Variants in PDK1 observed in about 807,000 individuals in gnomAD.
PDK1 encodes the protein [Pyruvate dehydrogenase (acetyl-transferring)] kinase isozyme 1, mitochondrial.
A neutral mutation model predicts 54.2 loss-of-function variants in PDK1; 39 were observed. That is an observed-to-expected ratio of 0.72 (90% CI 0.56 to 0.94). PDK1 has a LOEUF of 0.94. Among genes scored for constraint, PDK1 ranks in the 40% least tolerant of loss-of-function variants. PDK1 has a pLI of 0.00. For synonymous variants in PDK1, 221 were observed against 207.1 expected (o/e 1.07, Z -0.58); for missense variants, 552 against 566.0 (o/e 0.98, Z 0.25).
chr2:172,626,012 A>AGAAATCTTTC, the PDK1 span, among the ~76,000 whole-genome samples: 1 of 152,236 alleles, frequency 6.6e-6, no homozygotes. Context: ...AACATTTCCT[A>AGAAATCTTTC]GAAATCTTTC....
chr2:172,694,429 T>C, the PDK1 span, among the ~76,000 whole-genome samples: 56 of 152,330 alleles, frequency 3.7e-4, no homozygotes, highest in African/African-American at 1.2e-3. Flanking sequence ...ATCGTTTCAT[T>C]ATAACATTGA....
At chr2:172,582,449 T>C (rs1689964825) in intron 8 of PDK1, among the ~76,000 whole-genome samples, 1 of 152,208 alleles carries the variant, frequency 6.6e-6, no homozygotes, top group African/African-American at 2.4e-5. Context: ...AAGTTAGGGA[T>C]GGCAGCTCTT....
Position 172,604,088 on chromosome 2 carries a change from C to G in PDK1, c.*8119C>G, listed in dbSNP as rs13032304. 26,681 of 151,954 alleles carry G rather than the reference C, an allele frequency of 0.18. 2,788 individuals are homozygous for G. Among genetic ancestry groups the G allele is most frequent in the African/African-American group, 0.28 (11,585 of 41,430 alleles). The allele number at this position is 151,954 out of a possible 1,614,324, so 9.4% of individuals were successfully genotyped here. A position where few individuals can be genotyped will look rare whatever the true frequency, so the allele number is the denominator to read the frequency against. ...TGAACATGGCGTATATCTTTTTTGG[C>G]GGGGGGTGAGGACAGAGTCTTGCTC... On this transcript the variant is annotated 3_prime_UTR_variant, in exon 11 of 11. Coordinates refer to ENST00000282077, the MANE Select transcript of PDK1 (RefSeq NM_002610.5).
the PDK1 span, among the ~76,000 whole-genome samples, chr2:172,662,410 C>A: frequency 6.6e-6 from 1 of 151,226 alleles, no homozygotes; most frequent in Non-Finnish European, 1.5e-5. Context: ...ATTTCTCCAC[C>A]AAGAGATAAC....
chr2:172,677,156 A>T, the PDK1 span: 1 of 152,222 alleles, frequency 6.6e-6, no homozygotes, highest in East Asian at 1.9e-4. Context: ...TGCAGTATTC[A>T]TTTTATTGAA....
chr2:172,605,678 C>G lies in PDK1; in HGVS notation c.*9709C>G, dbSNP rs913466008. On this transcript the variant is annotated 3_prime_UTR_variant, in exon 11 of 11. Transcript: ENST00000282077. Reference sequence around the variant, plus strand: ...GCATGAACCACCGTGCTCAGCCTCTCTGTAAATCTTGAGTCGGCACTGAGC... The same window carrying G: ...GCATGAACCACCGTGCTCAGCCTCTGTGTAAATCTTGAGTCGGCACTGAGC... 1 of 152,166 alleles carries G rather than the reference C, an allele frequency of 6.6e-6. No individual in the cohort carries two copies. Among genetic ancestry groups the G allele is most frequent in the Admixed American group, 6.6e-5 (1 of 15,264 alleles). The allele number at this position is 152,166 out of a possible 1,614,324, so 9.4% of individuals were successfully genotyped here.
intron 8 of PDK1, among the ~76,000 whole-genome samples, chr2:172,581,262 T>G (rs1466530532): frequency 6.6e-6 from 1 of 152,072 alleles, no homozygotes; most frequent in Non-Finnish European, 1.5e-5. Flanking sequence ...GGCTAATTCT[T>G]GTATTTTTAG....
chr2:172,719,587 CTTTATTTCCAGTTTCCAATATATG>C, the PDK1 span, among the ~76,000 whole-genome samples: 19 of 151,942 alleles, frequency 1.3e-4, no homozygotes, highest in African/African-American at 3.6e-4. Flanking sequence ...TCCCATCTTG[CTTTATTTCCAGTTTCCAATATATG>C]TTTATTTCCA....
At chr2:172,653,644 A>C in the PDK1 span, among the ~76,000 whole-genome samples, 2 of 152,176 alleles carry the variant, frequency 1.3e-5, no homozygotes, top group Non-Finnish European at 1.5e-5. Context: ...TAAAGACTTA[A>C]ATGTTAGACC....
intron 7 of PDK1, 36 bp from the exon 8 acceptor site, chr2:172,570,690 A>G (rs1689199176): frequency 8.1e-7 from 1 of 1,227,954 alleles, no homozygotes; most frequent in South Asian, 1.3e-5. Context: ...CTTTTCTAAA[A>G]AGCTGTATTT....
the PDK1 span, among the ~76,000 whole-genome samples, chr2:172,618,129 A>T: frequency 6.6e-6 from 1 of 152,214 alleles, no homozygotes; most frequent in Non-Finnish European, 1.5e-5. Context: ...CCAAGTCTGC[A>T]TATAAAATAA....
the PDK1 span, among the ~76,000 whole-genome samples, chr2:172,703,998 T>C: frequency 6.6e-6 from 1 of 152,082 alleles, no homozygotes; most frequent in South Asian, 2.1e-4. Flanking sequence ...GGTCTCGAAC[T>C]CCTGACCTCA....
the PDK1 span, among the ~76,000 whole-genome samples, chr2:172,697,939 C>A: frequency 1.3e-5 from 2 of 152,146 alleles, no homozygotes. Flanking sequence ...TTTACCATGG[C>A]AACTGTCAGA....
At chr2:172,656,059 T>G in the PDK1 span, among the ~76,000 whole-genome samples, 7 of 152,238 alleles carry the variant, frequency 4.6e-5, no homozygotes, top group African/African-American at 1.7e-4. Context: ...CTTATTTGTA[T>G]ATGAAGCTTT....
At position 172,606,195 on chromosome 2, in the gene PDK1, C is replaced by T. The variant is rs1360526861; in HGVS notation, c.*10226C>T. On this transcript the variant is annotated 3_prime_UTR_variant, in exon 11 of 11. Transcript: ENST00000282077. ...TTAACAACAAATGACTGTCCTAATT[C>T]TGGAGACCTGGGAAGTATTGATGAG... is the stretch of plus-strand genomic sequence containing the variant. 6.6e-6 allele frequency: 1 copy of T among 152,148 alleles called. No individual in the cohort carries two copies. Among genetic ancestry groups the T allele is most frequent in the Admixed American group, 6.5e-5 (1 of 15,278 alleles). 9.4% of individuals were successfully genotyped at this position (152,148 alleles called of 1,614,324 possible).
rs1162294862 is a variant in PDK1, at chr2:172,603,544, AT to A, written c.*7576del. ...TGAGTGGTTAATGAGAGCTTCACTAATGTTGTCTGCTGCAGGCAATAAGTGA... is the reference window on the plus strand; with the variant it reads ...TGAGTGGTTAATGAGAGCTTCACTAAGTTGTCTGCTGCAGGCAATAAGTGA... On this transcript the variant is annotated 3_prime_UTR_variant, in exon 11 of 11. Coordinates refer to ENST00000282077, the MANE Select transcript of PDK1 (RefSeq NM_002610.5). 2.6e-5 allele frequency: 4 copies of A among 152,296 alleles called. No individual in the cohort carries two copies. Among genetic ancestry groups the A allele is most frequent in the Non-Finnish European group, 5.9e-5 (4 of 68,032 alleles). 9.4% of individuals were successfully genotyped at this position (152,296 alleles called of 1,614,324 possible). A position where few individuals can be genotyped will look rare whatever the true frequency, so the allele number is the denominator to read the frequency against.
chr2:172,722,325 G>C, the PDK1 span, among the ~76,000 whole-genome samples: 1 of 152,212 alleles, frequency 6.6e-6, no homozygotes, highest in Admixed American at 6.5e-5. Flanking sequence ...CCTGGCAAAT[G>C]GCCAACCCTA....
the PDK1 span, chr2:172,723,415 T>C: frequency 2.0e-5 from 3 of 152,180 alleles, 1 homozygote; most frequent in South Asian, 4.1e-4. Context: ...AAGAGTAATA[T>C]ATTTTGAACA....
chr2:172,588,591 C>G (rs764832899), intron 9 of PDK1, among the ~76,000 whole-genome samples: 39 of 152,174 alleles, frequency 2.6e-4, no homozygotes, highest in Non-Finnish European at 3.2e-4. Context: ...CTCCTCCATA[C>G]ATCTACATGC....
Sources: gnomAD v4.1 joint callset for allele counts (sites outside exome capture counted in the v4.1 genomes callset) on GRCh38, gnomAD v4.1.1 for gene constraint, MANE v1.5 for transcripts, NCBI Gene and HGNC (gene_info 2026-07-23, HGNC 2026-07-21) for gene names.